ACSM6: variants seen among roughly 807,000 people sequenced by gnomAD.
The protein encoded by ACSM6 is acyl-coenzyme A synthetase ACSM6, mitochondrial.
Under a neutral mutation model 51.1 loss-of-function variants are expected in ACSM6, and 35 were observed. That is an observed-to-expected ratio of 0.69 (90% CI 0.52 to 0.91). The LOEUF is 0.91. Ranked by LOEUF, ACSM6 falls within the 40% of genes least tolerant of loss-of-function variation. The probability of loss-of-function intolerance (pLI) is 0.00; values close to 1 mark genes in which losing one functional copy is unlikely to be tolerated. For synonymous variants in ACSM6, 172 were observed against 207.3 expected, an observed-to-expected ratio of 0.83 and a Z score of 1.46; for missense variants, 509 against 584.1, an observed-to-expected ratio of 0.87 and a Z score of 1.32.
chr10:95,204,598 C>T (rs2034825232), intron 3 of ACSM6, among the ~76,000 whole-genome samples: 1 of 151,910 alleles, frequency 6.6e-6, no homozygotes, highest in Admixed American at 6.6e-5. Context: ...TCTTTTCAAG[C>T]CATTAATGAA....
In ACSM6 at chr10:95,208,933, TAAAAAAAAAAAA is replaced by T. The variant is rs34370150; in HGVS notation, c.611+1534_611+1545del. On this transcript the variant is annotated intron_variant, in intron 4 of 10. Transcript: ENST00000341686. ...CAGTATTTCAGTGTCCAGGGATGTT[TAAAAAAAAAAAA>T]AAAAAAAAAAAAAAAGCAGTAAACG... Among the ~76,000 whole-genome samples the T allele has an allele frequency of 1.4e-3, 49 of 33,928 alleles. 2 individuals carry two copies. The South Asian group carries it at 0.033, about 23-fold the overall frequency. 22.3% of individuals were successfully genotyped at this position (33,928 alleles called of 152,430 possible).
intron 4 of ACSM6, among the ~76,000 whole-genome samples, chr10:95,208,344 G>A (rs781233978): frequency 6.6e-6 from 1 of 152,150 alleles, no homozygotes; most frequent in Non-Finnish European, 1.5e-5. Context: ...GGGAGAGGAT[G>A]AGGAATGAGA....
At chr10:95,213,002 GA>G in intron 7 of ACSM6, 62 bp downstream of exon 7, 1 of 1,406,324 alleles carries the variant, frequency 7.1e-7, no homozygotes. Flanking sequence ...ATAAAATTAG[GA>G]CCCCTTAATT....
intron 10 of ACSM6, among the ~76,000 whole-genome samples, chr10:95,228,047 G>C (rs1430454247): frequency 6.6e-6 from 1 of 151,728 alleles, no homozygotes; most frequent in Admixed American, 6.6e-5. Flanking sequence ...ATTCCAACTT[G>C]CGTGACAGAG....
chr10:95,217,792 G>C (rs943419709), intron 8 of ACSM6, among the ~76,000 whole-genome samples: 2 of 152,198 alleles, frequency 1.3e-5, no homozygotes, highest in African/African-American at 4.8e-5. Flanking sequence ...GTTCCATATG[G>C]CTCAGGAAAC....
chr10:95,221,146 A>G (rs1212254462), intron 9 of ACSM6, among the ~76,000 whole-genome samples: 1 of 152,218 alleles, frequency 6.6e-6, no homozygotes, highest in East Asian at 1.9e-4. Flanking sequence ...TAGAAAAAAA[A>G]TCTTCCTACA....
At chr10:95,219,517 A>G (rs2034974448) in intron 8 of ACSM6, among the ~76,000 whole-genome samples, 1 of 152,236 alleles carries the variant, frequency 6.6e-6, no homozygotes, top group Non-Finnish European at 1.5e-5. Context: ...GTTCCAATTA[A>G]GCACACACAT....
chr10:95,199,641 A>T (rs1375923624), intron 2 of ACSM6, among the ~76,000 whole-genome samples: 1 of 152,152 alleles, frequency 6.6e-6, no homozygotes, highest in Non-Finnish European at 1.5e-5. Flanking sequence ...CAATGAACTC[A>T]AACAAATTCA....
intron 7 of ACSM6, among the ~76,000 whole-genome samples, chr10:95,214,449 G>T (rs773409431): frequency 1.3e-5 from 2 of 152,202 alleles, no homozygotes; most frequent in Non-Finnish European, 2.9e-5. Flanking sequence ...TATAAAATTA[G>T]TGGCTCTCTT....
chr10:95,199,086 C>G (rs2034765000), intron 2 of ACSM6, among the ~76,000 whole-genome samples: 1 of 152,146 alleles, frequency 6.6e-6, no homozygotes, highest in Non-Finnish European at 1.5e-5. Flanking sequence ...CATCATGCTA[C>G]CTGACTTCAA....
chr10:95,221,023 T>C (rs595924), intron 9 of ACSM6, among the ~76,000 whole-genome samples: 25,645 of 152,074 alleles, frequency 0.17, 2,351 homozygotes, highest in Middle Eastern at 0.4. Context: ...AAAATGAGCA[T>C]GTAATTTTCC....
chr10:95,223,904 G>A (rs2035015785), intron 9 of ACSM6, among the ~76,000 whole-genome samples: 1 of 151,890 alleles, frequency 6.6e-6, no homozygotes, highest in Non-Finnish European at 1.5e-5. Flanking sequence ...AAAATCCTAA[G>A]GAATACACAC....
chr10:95,218,473 C>T (rs906372039), intron 8 of ACSM6, among the ~76,000 whole-genome samples: 1 of 152,196 alleles, frequency 6.6e-6, no homozygotes, highest in African/African-American at 2.4e-5. Context: ...AAAACATCAG[C>T]TCTCTCTTTC....
intron 6 of ACSM6, among the ~76,000 whole-genome samples, chr10:95,212,462 C>T (rs999647480): frequency 3.3e-5 from 5 of 152,150 alleles, no homozygotes; most frequent in Non-Finnish European, 7.4e-5. Flanking sequence ...AAACTGTGGT[C>T]TACTGAACTC....
intron 9 of ACSM6, among the ~76,000 whole-genome samples, chr10:95,221,636 GA>G (rs1214669945): frequency 1.3e-5 from 2 of 151,832 alleles, no homozygotes; most frequent in African/African-American, 4.8e-5. Context: ...AGACCACTTA[GA>G]AAAAATGGAT....
chr10:95,216,014 A>C (rs761347851), intron 8 of ACSM6, among the ~76,000 whole-genome samples: 1 of 152,180 alleles, frequency 6.6e-6, no homozygotes, highest in African/African-American at 2.4e-5. Context: ...CTGCAGCCTC[A>C]AACTCCTGGG....
chr10:95,201,998 G>A (rs1172281751), exon 3 of ACSM6: 3 of 1,551,642 alleles, frequency 1.9e-6, no homozygotes. Context: ...GGACTCAGAG[G>A]GCCTTACCCC....
At chr10:95,194,826 T>C (rs988432177) in intron 2 of ACSM6, 149 bp downstream of exon 2, 3 of 715,222 alleles carry the variant, frequency 4.2e-6, no homozygotes, top group East Asian at 2.7e-5. Context: ...ACTAAGAACA[T>C]AGGCTTGACA....
At chr10:95,227,545 C>A (rs376801069) in intron 10 of ACSM6, among the ~76,000 whole-genome samples, 1 of 152,166 alleles carries the variant, frequency 6.6e-6, no homozygotes, top group Non-Finnish European at 1.5e-5. Flanking sequence ...ACTGATAACA[C>A]AACTTCAATA....
Sources: gnomAD v4.1 joint callset for allele counts (sites outside exome capture counted in the v4.1 genomes callset) on GRCh38, gnomAD v4.1.1 for gene constraint, MANE v1.5 for transcripts, NCBI Gene and HGNC (gene_info 2026-07-23, HGNC 2026-07-21) for gene names.